The following ADGRV1 variants were observed in gnomAD, a reference collection of about 807,000 sequenced individuals.
The protein encoded by ADGRV1 is G-protein coupled receptor 98.
ADGRV1 carries 359 observed loss-of-function variants against 596.2 expected under a neutral mutation model. The observed-to-expected ratio is 0.60, with a 90% CI of 0.55 to 0.66. The LOEUF is 0.66. Ranked by LOEUF, ADGRV1 falls within the 30% of genes least tolerant of loss-of-function variation. ADGRV1 has a pLI of 0.00. For synonymous variants in ADGRV1, 2,681 were observed against 2,679.2 expected, an observed-to-expected ratio of 1.00 and a Z score of -0.02; for missense variants, 7,274 against 7,575.6, an observed-to-expected ratio of 0.96 and a Z score of 1.48.
At chr5:91,143,958 T>C (rs1020554888) in intron 87 of ADGRV1, among the ~76,000 whole-genome samples, 1 of 152,066 alleles carries the variant, frequency 6.6e-6, no homozygotes, top group African/African-American at 2.4e-5. Flanking sequence ...CTTCCCTGAG[T>C]GTGTGCATGC....
intron 83 of ADGRV1, among the ~76,000 whole-genome samples, chr5:90,959,868 A>ATG (rs1777818889): frequency 2.6e-5 from 4 of 151,994 alleles, no homozygotes; most frequent in African/African-American, 9.7e-5. Flanking sequence ...GTCTGGGCGC[A>ATG]GTGGCTCACG....
intron 77 of ADGRV1, among the ~76,000 whole-genome samples, chr5:90,833,241 C>T (rs1027539254): frequency 3.3e-5 from 5 of 149,898 alleles, no homozygotes; most frequent in Non-Finnish European, 3.0e-5. Flanking sequence ...TAAATATCTG[C>T]ATTTTTGTGC....
intron 11 of ADGRV1, 116 bp from the exon 12 acceptor site, chr5:90,642,520 C>T (rs1767100417): frequency 4.5e-6 from 5 of 1,099,180 alleles, no homozygotes; most frequent in African/African-American, 1.6e-5. Context: ...GGTCTAATTC[C>T]TCATAGCCTT....
intron 11 of ADGRV1, among the ~76,000 whole-genome samples, chr5:90,642,073 A>T (rs1450699181): frequency 6.6e-6 from 1 of 152,226 alleles, no homozygotes; most frequent in Non-Finnish European, 1.5e-5. Context: ...AATAGAAGGC[A>T]TTTGAAACCA....
chr5:90,936,979 A>C (rs544621576), intron 83 of ADGRV1, among the ~76,000 whole-genome samples: 5 of 152,288 alleles, frequency 3.3e-5, no homozygotes, highest in African/African-American at 1.2e-4. Flanking sequence ...CTTCCTTAAC[A>C]CCTTGAAAAT....
chr5:90,935,811 T>G (rs562016939), intron 83 of ADGRV1, among the ~76,000 whole-genome samples: 22 of 152,250 alleles, frequency 1.4e-4, no homozygotes, highest in African/African-American at 5.1e-4. Flanking sequence ...CTGGATTGCT[T>G]GTTACAAATG....
chr5:90,642,606 G>T (rs41304890), intron 11 of ADGRV1, 30 bp from the exon 12 acceptor site: 3 of 1,603,540 alleles, frequency 1.9e-6, no homozygotes, highest in Non-Finnish European at 2.6e-6. Context: ...TGGAAGTAGC[G>T]GGTGCCATTT....
rs543828979 is a variant in ADGRV1, at chr5:90,621,539, A to T, written c.454-1058A>T. Among the ~76,000 whole-genome samples the T allele has an allele frequency of 3.3e-5, 5 of 152,232 alleles. No homozygotes were observed. In the South Asian group the frequency reaches 1.0e-3, roughly 32 times the overall value. ...TCCCTTAATTGCTAAATTTCTCTCC[A>T]TGTGGCTTTCCTGCTACACTTACTC... On this transcript the variant is annotated intron_variant, in intron 4 of 89. Coordinates refer to ENST00000405460, the MANE Select transcript of ADGRV1 (RefSeq NM_032119.4).
chr5:90,688,296 A>G (rs1745970471), intron 29 of ADGRV1, among the ~76,000 whole-genome samples: 1 of 152,234 alleles, frequency 6.6e-6, no homozygotes, highest in African/African-American at 2.4e-5. Context: ...CAATGGGGAA[A>G]GGATTCCCTA....
chr5:90,616,880 A>G lies in ADGRV1; in HGVS notation c.208-924A>G, dbSNP rs917146613. On this transcript the variant is annotated intron_variant, in intron 2 of 89. Transcript: ENST00000405460. ...TGTTTTTGTACTCCTTAACCAACTTATCTTCATTAACCTCTTCCCTTCTCA... is the reference window on the plus strand; with the variant it reads ...TGTTTTTGTACTCCTTAACCAACTTGTCTTCATTAACCTCTTCCCTTCTCA... Among the ~76,000 whole-genome samples the G allele has an allele frequency of 3.9e-5, 6 of 152,270 alleles. No homozygotes were observed. In the South Asian group the frequency reaches 8.3e-4, roughly 21 times the overall value.
Position 90,944,699 on chromosome 5 carries a change from G to T in ADGRV1, c.17857-20716G>T, listed in dbSNP as rs374579164. On this transcript the variant is annotated intron_variant, in intron 83 of 89. Coordinates refer to ENST00000405460, the MANE Select transcript of ADGRV1 (RefSeq NM_032119.4). ...ATAACTCATTTTAATTTAAGAAGATGTAGGATGATTATTTCTCATGGAAGT... is the reference window on the plus strand; with the variant it reads ...ATAACTCATTTTAATTTAAGAAGATTTAGGATGATTATTTCTCATGGAAGT... Among the ~76,000 whole-genome samples the T allele has an allele frequency of 1.1e-4, 17 of 152,228 alleles. No homozygotes were observed. The East Asian group carries it at 1.9e-3, about 17-fold the overall frequency.
intron 83 of ADGRV1, 92 bp downstream of exon 83, chr5:90,863,949 C>T (rs749103532): frequency 3.3e-5 from 27 of 811,946 alleles, no homozygotes; most frequent in Non-Finnish European, 5.1e-5. Context: ...AAAGTTTAAT[C>T]TCAACTTAGT....
At chr5:90,668,566 G>A (rs904968824) in intron 21 of ADGRV1, among the ~76,000 whole-genome samples, 6 of 151,990 alleles carry the variant, frequency 3.9e-5, no homozygotes, top group African/African-American at 7.2e-5. Flanking sequence ...GAAATCACCC[G>A]TCTTCTGCGT....
At chr5:90,932,436 A>G (rs975836301) in intron 83 of ADGRV1, among the ~76,000 whole-genome samples, 4 of 152,142 alleles carry the variant, frequency 2.6e-5, no homozygotes, top group Non-Finnish European at 5.9e-5. Context: ...GCTAGTGGAA[A>G]TGGCCTTTTT....
At chr5:91,090,981 G>A (rs1257676819) in intron 86 of ADGRV1, among the ~76,000 whole-genome samples, 1 of 152,098 alleles carries the variant, frequency 6.6e-6, no homozygotes, top group African/African-American at 2.4e-5. Flanking sequence ...TCAAGATTGT[G>A]TAGTTCACAT....
intron 7 of ADGRV1, 83 bp from the exon 8 acceptor site, chr5:90,628,479 G>C: frequency 8.6e-7 from 1 of 1,160,776 alleles, no homozygotes; most frequent in South Asian, 1.3e-5. Flanking sequence ...AGTGTCTAAT[G>C]GACAACTTGA....
intron 18 of ADGRV1, among the ~76,000 whole-genome samples, chr5:90,652,121 T>A (rs1245486780): frequency 6.6e-6 from 1 of 152,190 alleles, no homozygotes; most frequent in African/African-American, 2.4e-5. Context: ...AATTTATCTT[T>A]CAGTTTGGAT....
chr5:90,810,790 CCA>C lies in ADGRV1; in HGVS notation c.15531_15532del (p.Ile5178CysfsTer3). On this transcript the variant is annotated frameshift_variant, in exon 74 of 90. Transcript: ENST00000405460. LOFTEE classifies it high-confidence loss of function. Reference sequence around the variant, plus strand: ...ATTCTGCAGCCAACCAACGTGGTTGCCATTGTTACTGAGGCAACTGGTGTATC... The same window carrying C: ...ATTCTGCAGCCAACCAACGTGGTTGCTTGTTACTGAGGCAACTGGTGTATC... 6 of 1,613,946 alleles carry C rather than the reference CCA, an allele frequency of 3.7e-6. No homozygotes were observed. The highest frequency in any genetic ancestry group is 5.1e-6 in the Non-Finnish European group (6 of 1,179,864).
chr5:91,060,627 C>G (rs1450581463), intron 85 of ADGRV1, among the ~76,000 whole-genome samples: 2 of 152,110 alleles, frequency 1.3e-5, no homozygotes, highest in African/African-American at 2.4e-5. Flanking sequence ...GTATTTTAAA[C>G]AGAGTATGAC....
Sources: gnomAD v4.1 joint callset for allele counts (sites outside exome capture counted in the v4.1 genomes callset) on GRCh38, gnomAD v4.1.1 for gene constraint, MANE v1.5 for transcripts, NCBI Gene and HGNC (gene_info 2026-07-23, HGNC 2026-07-21) for gene names.